Variants in PITPNM2 observed in about 807,000 individuals in gnomAD.
PITPNM2 encodes the protein membrane-associated phosphatidylinositol transfer protein 2.
A neutral mutation model predicts 132.2 loss-of-function variants in PITPNM2; 35 were observed. That is an observed-to-expected ratio of 0.26 (90% CI 0.20 to 0.35). The LOEUF is 0.35. Among genes scored for constraint, PITPNM2 ranks in the 10% least tolerant of loss-of-function variants. The probability of loss-of-function intolerance (pLI) is 1.00; values close to 1 mark genes in which losing one functional copy is unlikely to be tolerated. For synonymous variants in PITPNM2, 738 were observed against 799.2 expected (o/e 0.92, Z 1.29); for missense variants, 1,332 against 1,912.0 (o/e 0.70, Z 5.66).
In PITPNM2 at chr12:123,106,956, T is replaced by G. The variant is rs1255387210; in HGVS notation, c.-96+3429A>C. Among the ~76,000 whole-genome samples, 1 of 152,220 alleles carries G rather than the reference T, an allele frequency of 6.6e-6. No homozygotes were observed. Among genetic ancestry groups the G allele is most frequent in the Admixed American group, 6.5e-5 (1 of 15,292 alleles). The stretch of plus-strand genomic sequence containing the variant: ...AGGGACTAGGAAGCAAGGCCCTCGC[T>G]GCAGGTAGGGCTCTGCTGCTGCTAC... On this transcript the variant is annotated intron_variant, in intron 2 of 25. Transcript: ENST00000320201. This position sits in a 1 kb window ranked among gnomAD's most constrained non-coding sequence, Gnocchi z 4.4.
At chr12:123,079,341 TTTTC>T (rs1341219777) in intron 2 of PITPNM2, among the ~76,000 whole-genome samples, 1 of 145,672 alleles carries the variant, frequency 6.9e-6, no homozygotes, top group African/African-American at 2.6e-5. Context: ...TCTTTTTCTT[TTTTC>T]TTTTCTTTTT....
rs1477412752 is a variant in PITPNM2, at chr12:122,988,787, C to G, written c.2817G>C (p.Leu939=). ...DALTAFPTVA[L]PHLFHASYWE... Reference sequence around the variant, plus strand: ...AGTAGCTGGCGTGGAAGAGGTGAGGCAGAGCCACCGTGGGGAAGGCCGTGA... The same window carrying G: ...AGTAGCTGGCGTGGAAGAGGTGAGGGAGAGCCACCGTGGGGAAGGCCGTGA... Residue 939 remains leucine (L), a synonymous_variant, in exon 19 of 26, where the codon CTG becomes CTC. Coordinates refer to ENST00000320201, the MANE Select transcript of PITPNM2 (RefSeq NM_020845.3). The G allele has an allele frequency of 5.1e-6, 8 of 1,582,290 alleles. No individual in the cohort carries two copies. The highest frequency in any genetic ancestry group is 1.8e-5 in the Admixed American group (1 of 54,508).
At chr12:123,001,222 G>T in intron 8 of PITPNM2, 64 bp from the exon 9 acceptor site, 3 of 1,305,680 alleles carry the variant, frequency 2.3e-6, no homozygotes, top group Non-Finnish European at 3.3e-6. Flanking sequence ...GCTTCCCGAG[G>T]TGGGGACGCC....
intron 8 of PITPNM2, among the ~76,000 whole-genome samples, chr12:123,003,510 G>C (rs2038787591): frequency 1.3e-5 from 2 of 152,178 alleles, no homozygotes; most frequent in Non-Finnish European, 2.9e-5. Flanking sequence ...CACCATTCCA[G>C]GTCCTCCAGT....
At chr12:123,109,296 G>A (rs1315355663) in intron 2 of PITPNM2, among the ~76,000 whole-genome samples, 2 of 152,292 alleles carry the variant, frequency 1.3e-5, no homozygotes, top group East Asian at 3.9e-4. Flanking sequence ...CCCAACAAAG[G>A]CCTTGGCATG....
intron 4 of PITPNM2, 96 bp from the exon 5 acceptor site, chr12:123,012,830 G>C: frequency 6.6e-7 from 1 of 1,511,270 alleles, no homozygotes; most frequent in Non-Finnish European, 9.0e-7. Flanking sequence ...AGTGGAGCTG[G>C]TGAGCGGGCA....
In PITPNM2 at chr12:123,012,518, G is replaced by A. The variant is rs2039252312; in HGVS notation, c.415+95C>T. ...TGCCCAGGACAGGGCCAGGTCTGGA[G>A]TCTACCAGGTGTGGGGAAAAGGGGC... On this transcript the variant is annotated intron_variant, in intron 5 of 25. Coordinates refer to ENST00000320201, the MANE Select transcript of PITPNM2 (RefSeq NM_020845.3). The A allele has an allele frequency of 3.4e-6, 5 of 1,486,330 alleles. No individual in the cohort carries two copies. In the South Asian group the frequency reaches 3.7e-5, roughly 11 times the overall value. 92.1% of individuals were successfully genotyped at this position (1,486,330 alleles called of 1,614,324 possible).
In PITPNM2 at chr12:122,985,782, G is replaced by A. The variant is rs2037905863; in HGVS notation, c.*245C>T. The A allele has an allele frequency of 4.9e-6, 2 of 411,740 alleles. No individual in the cohort carries two copies. Among genetic ancestry groups the A allele is most frequent in the Non-Finnish European group, 8.5e-6 (2 of 235,722 alleles). 25.5% of individuals were successfully genotyped at this position (411,740 alleles called of 1,614,324 possible). On this transcript the variant is annotated 3_prime_UTR_variant, in exon 26 of 26. Coordinates refer to ENST00000320201, the MANE Select transcript of PITPNM2 (RefSeq NM_020845.3). ...ACCTCCCGGGCCAGTCTGAGTGGGA[G>A]GTTCTGGTCCCTCTGCCATCCTGGG...
chr12:123,013,442 G>T (rs1356656931), intron 4 of PITPNM2, among the ~76,000 whole-genome samples: 2 of 152,224 alleles, frequency 1.3e-5, no homozygotes, highest in Non-Finnish European at 2.9e-5. Flanking sequence ...GAGTTGGAAG[G>T]GACTTCTGGG....
At chr12:123,040,025 G>T (rs1017318908) in intron 2 of PITPNM2, among the ~76,000 whole-genome samples, 2 of 152,160 alleles carry the variant, frequency 1.3e-5, no homozygotes, top group Non-Finnish European at 2.9e-5. Context: ...AGCTACTCGG[G>T]AGGCTGAGGT....
intron 1 of PITPNM2, among the ~76,000 whole-genome samples, chr12:123,149,514 T>C (rs539330925): frequency 1.3e-5 from 2 of 151,988 alleles, no homozygotes; most frequent in African/African-American, 2.4e-5. Flanking sequence ...GAGGCAAGCG[T>C]TGGAGGGGCC....
chr12:123,106,974 G>A lies in PITPNM2; in HGVS notation c.-96+3411C>T, dbSNP rs1486738025. Among the ~76,000 whole-genome samples, 1 of 152,250 alleles carries A rather than the reference G, an allele frequency of 6.6e-6. No homozygotes were observed. The highest frequency in any genetic ancestry group is 1.5e-5 in the Non-Finnish European group (1 of 68,048). On this transcript the variant is annotated intron_variant, in intron 2 of 25. Transcript: ENST00000320201. This position sits in a 1 kb window ranked among gnomAD's most constrained non-coding sequence, Gnocchi z 4.4. ...CCCTCGCTGCAGGTAGGGCTCTGCT[G>A]CTGCTACGGATGGAGATAAGTCCCT...
In PITPNM2 at chr12:123,097,418, C is replaced by T. The variant is rs1386557196; in HGVS notation, c.-96+12967G>A. On this transcript the variant is annotated intron_variant, in intron 2 of 25. Coordinates refer to ENST00000320201, the MANE Select transcript of PITPNM2 (RefSeq NM_020845.3). The surrounding 1 kb of genome is among the most constrained non-coding windows in gnomAD (Gnocchi z 4.7). The stretch of plus-strand genomic sequence containing the variant: ...TCAGCAGCCCACTTTTCTGCACAGT[C>T]CTCAAGAGGCCAGCACCTCCTTTCC... Among the ~76,000 whole-genome samples, 2 of 152,178 alleles carry T rather than the reference C, an allele frequency of 1.3e-5. No individual in the cohort carries two copies. The highest frequency in any genetic ancestry group is 2.9e-5 in the Non-Finnish European group (2 of 68,024).
intron 2 of PITPNM2, among the ~76,000 whole-genome samples, chr12:123,039,907 A>T (rs1227779947): frequency 6.6e-6 from 1 of 152,186 alleles, no homozygotes; most frequent in Non-Finnish European, 1.5e-5. Flanking sequence ...CAAAGTAGGC[A>T]GATCACTTGA....
chr12:123,005,253 C>G lies in PITPNM2; in HGVS notation c.939G>C (p.Ser313=), dbSNP rs148014131. Residue 313 remains serine (S), a synonymous_variant, in exon 7 of 26, where the codon TCG becomes TCC. Transcript: ENST00000320201. This position sits in a 1 kb window ranked among gnomAD's most constrained non-coding sequence, Gnocchi z 6.2. ...GCAGGGCCTTACCTCCCCGCTTGGA[C>G]GACCGAGACGACTTGGAGGATGTGG... The part of the protein sequence containing the change: ...QWSTSSKSSR[S]SKRGASPSRH... The G allele has an allele frequency of 6.2e-7, 1 of 1,611,806 alleles. No homozygotes were observed. Among genetic ancestry groups the G allele is most frequent in the Non-Finnish European group, 8.5e-7 (1 of 1,178,440 alleles).
At chr12:123,110,015 T>G (rs956687660) in intron 2 of PITPNM2, among the ~76,000 whole-genome samples, 3 of 152,194 alleles carry the variant, frequency 2.0e-5, no homozygotes, top group Non-Finnish European at 4.4e-5. Flanking sequence ...TGGAGTGAAG[T>G]AGTGCGACCA....
At position 122,986,780 on chromosome 12, in the gene PITPNM2, C is replaced by T. The variant is rs747118433; in HGVS notation, c.3463G>A (p.Asp1155Asn). The T allele has an allele frequency of 9.3e-6, 15 of 1,613,314 alleles. No homozygotes were observed. The highest frequency in any genetic ancestry group is 1.2e-5 in the Non-Finnish European group (14 of 1,179,958). The change falls in exon 24 of 26, where the codon GAC (aspartate) becomes AAC (asparagine). Residue 1155 changes from aspartate (D) to asparagine (N), a missense_variant. Around this residue, in one of 6 missense-constraint regions of PITPNM2, gnomAD observed 251 missense variants for 472.0 expected, o/e 0.53. Transcript: ENST00000320201. The stretch of plus-strand genomic sequence containing the variant: ...GCCACCACCCGCTGCTTCTGCATGT[C>T]GGGCCGGCCCGTCACGTAGATGATG... ...YLIIYVTGRP[D>N]MQKQRVVAWL... is the part of the protein sequence containing the mutation.
intron 2 of PITPNM2, among the ~76,000 whole-genome samples, chr12:123,094,209 C>T (rs188085118): frequency 1.3e-5 from 2 of 152,344 alleles, no homozygotes; most frequent in African/African-American, 4.8e-5. Context: ...TGAGCCTCAC[C>T]AGTACAGGGC....
At chr12:123,013,745 T>C in intron 4 of PITPNM2, 83 bp downstream of exon 4, 1 of 1,435,866 alleles carries the variant, frequency 7.0e-7, no homozygotes, top group South Asian at 1.2e-5. Context: ...GCTGATCCCA[T>C]CCCCTGGATC....
Sources: allele counts gnomAD v4.1 joint callset (sites outside exome capture counted in the v4.1 genomes callset), GRCh38; gene constraint gnomAD v4.1.1; regional missense constraint gnomAD v4.1.1; non-coding constraint Gnocchi (gnomAD v3.1); transcripts MANE v1.5; gene names NCBI Gene and HGNC (gene_info 2026-07-23, HGNC 2026-07-21).